ADAMTSL1: variants seen among roughly 807,000 people sequenced by gnomAD.
ADAMTSL1 encodes ADAMTS-like protein 1.
Under a neutral mutation model 201.8 loss-of-function variants are expected in ADAMTSL1, and 126 were observed. The ratio of observed to expected loss-of-function variants is 0.62; its 90% confidence interval spans 0.54 to 0.72. The LOEUF is 0.72. Among genes scored for constraint, ADAMTSL1 ranks in the 30% least tolerant of loss-of-function variants. The pLI, the probability that ADAMTSL1 is intolerant of heterozygous loss-of-function variation, is 0.00. For synonymous variants in ADAMTSL1, 1,121 were observed against 903.4 expected (o/e 1.24, Z -4.32); for missense variants, 2,679 against 2,277.8 (o/e 1.18, Z -3.59).
intron 1 of ADAMTSL1, among the ~76,000 whole-genome samples, chr9:18,011,568 C>G (rs1820052101): frequency 6.6e-6 from 1 of 152,046 alleles, no homozygotes; most frequent in Non-Finnish European, 1.5e-5. Context: ...CCTTCTCACT[C>G]TCTTAACTCT....
At chr9:18,332,660 G>A (rs13291265) in intron 2 of ADAMTSL1, among the ~76,000 whole-genome samples, 29,966 of 152,034 alleles carry the variant, frequency 0.2, 3,078 homozygotes, top group East Asian at 0.23. Context: ...CAATATGGAC[G>A]TACAGCATCA....
intron 4 of ADAMTSL1, among the ~76,000 whole-genome samples, chr9:18,579,644 G>A (rs559529590): frequency 9.9e-5 from 15 of 152,094 alleles, no homozygotes; most frequent in Non-Finnish European, 1.9e-4. Context: ...GTACACATAC[G>A]AAAGGGGCAC....
chr9:18,248,963 C>T (rs138638841), intron 2 of ADAMTSL1, among the ~76,000 whole-genome samples: 7 of 152,288 alleles, frequency 4.6e-5, no homozygotes, highest in Non-Finnish European at 2.9e-5. Flanking sequence ...CCGTTCTGTA[C>T]CCTGTACACA....
At chr9:18,872,064 A>G (rs1355363796) in intron 23 of ADAMTSL1, among the ~76,000 whole-genome samples, 1 of 152,076 alleles carries the variant, frequency 6.6e-6, no homozygotes, top group Non-Finnish European at 1.5e-5. Context: ...AAGTTTTCTC[A>G]TCTTTGCACC....
At chr9:18,814,639 A>G (rs1823718357) in intron 20 of ADAMTSL1, among the ~76,000 whole-genome samples, 1 of 152,218 alleles carries the variant, frequency 6.6e-6, no homozygotes, top group South Asian at 2.1e-4. Flanking sequence ...AAGAACAGAA[A>G]ACCAAATACT....
rs1156409558 is a variant in ADAMTSL1, at chr9:17,968,239, C to T, written c.87+61317C>T. 3.3e-5 allele frequency among the ~76,000 whole-genome samples: 5 copies of T among 152,062 alleles called. 1 individual carries two copies. The highest frequency in any genetic ancestry group is 3.3e-4 in the Admixed American group (5 of 15,236). Reference sequence around the variant, plus strand: ...TGCAATACGTATTTATTCTATACCTCCAGGAAGGCATTGTGCCACTAGCAG... The same window carrying T: ...TGCAATACGTATTTATTCTATACCTTCAGGAAGGCATTGTGCCACTAGCAG... On this transcript the variant is annotated intron_variant, in intron 1 of 29. Transcript: ENST00000680146.
At chr9:18,893,391 G>A (rs78216985) in intron 26 of ADAMTSL1, among the ~76,000 whole-genome samples, 2 of 152,118 alleles carry the variant, frequency 1.3e-5, no homozygotes, top group East Asian at 3.9e-4. Flanking sequence ...TCCTAACAGA[G>A]AGAAAAATAC....
At chr9:18,363,156 C>G (rs1422823022) in intron 2 of ADAMTSL1, among the ~76,000 whole-genome samples, 1 of 152,186 alleles carries the variant, frequency 6.6e-6, no homozygotes, top group Non-Finnish European at 1.5e-5. Flanking sequence ...GGTGGAGTGG[C>G]AGCTCTAGCC....
intron 12 of ADAMTSL1, among the ~76,000 whole-genome samples, chr9:18,683,721 C>A (rs189019216): frequency 5.3e-5 from 8 of 152,218 alleles, no homozygotes; most frequent in Middle Eastern, 3.4e-3. Flanking sequence ...TTAAAATAGT[C>A]AATTGTTTAT....
intron 2 of ADAMTSL1, among the ~76,000 whole-genome samples, chr9:18,257,593 A>G (rs890208777): frequency 3.3e-5 from 5 of 152,224 alleles, no homozygotes; most frequent in African/African-American, 1.2e-4. Flanking sequence ...AGTGTAAAAT[A>G]GTACAGCCCC....
At chr9:18,625,836 G>T (rs1826326368) in intron 5 of ADAMTSL1, among the ~76,000 whole-genome samples, 1 of 152,108 alleles carries the variant, frequency 6.6e-6, no homozygotes, top group Non-Finnish European at 1.5e-5. Context: ...TACCTTTCTT[G>T]CATGGTGAGG....
intron 1 of ADAMTSL1, among the ~76,000 whole-genome samples, chr9:18,017,012 C>T (rs749900491): frequency 1.3e-5 from 2 of 152,076 alleles, no homozygotes; most frequent in Non-Finnish European, 2.9e-5. Context: ...TCCCACATCA[C>T]TGGATACTTT....
intron 2 of ADAMTSL1, among the ~76,000 whole-genome samples, chr9:18,226,596 C>A (rs1421749110): frequency 6.6e-6 from 1 of 152,078 alleles, no homozygotes; most frequent in African/African-American, 2.4e-5. Context: ...TGATTCTGAT[C>A]AGATCACTTG....
chr9:18,575,924 G>A (rs573819884), intron 4 of ADAMTSL1, among the ~76,000 whole-genome samples: 5 of 152,236 alleles, frequency 3.3e-5, no homozygotes, highest in Non-Finnish European at 5.9e-5. Context: ...GGAGTTCAAC[G>A]TGGCATATTT....
intron 1 of ADAMTSL1, among the ~76,000 whole-genome samples, chr9:17,991,026 CT>C (rs1393998447): frequency 6.6e-6 from 1 of 151,990 alleles, no homozygotes; most frequent in East Asian, 1.9e-4. Flanking sequence ...AAACACGTAG[CT>C]TCATGAAACT....
chr9:17,995,346 T>G (rs959486667), intron 1 of ADAMTSL1, among the ~76,000 whole-genome samples: 2 of 152,146 alleles, frequency 1.3e-5, no homozygotes, highest in Admixed American at 1.3e-4. Context: ...AAGGTAGGAC[T>G]GCTTTTACCA....
chr9:18,676,760 G>A (rs1274758257), intron 10 of ADAMTSL1, among the ~76,000 whole-genome samples: 1 of 152,012 alleles, frequency 6.6e-6, no homozygotes, highest in Non-Finnish European at 1.5e-5. Flanking sequence ...GATCATAAAT[G>A]GTTGGAGTAA....
At chr9:18,065,145 TC>T (rs941052237) in intron 1 of ADAMTSL1, among the ~76,000 whole-genome samples, 4 of 152,090 alleles carry the variant, frequency 2.6e-5, no homozygotes, top group Admixed American at 6.5e-5. Flanking sequence ...AAAACTTTTT[TC>T]ATGTTTAACT....
intron 1 of ADAMTSL1, among the ~76,000 whole-genome samples, chr9:18,095,727 C>G (rs1824223530): frequency 6.6e-6 from 1 of 152,120 alleles, no homozygotes; most frequent in Non-Finnish European, 1.5e-5. Flanking sequence ...GTGGCCCTCC[C>G]TGATAAATTT....
Sources: gnomAD v4.1 joint callset for allele counts (sites outside exome capture counted in the v4.1 genomes callset) on GRCh38, gnomAD v4.1.1 for gene constraint, MANE v1.5 for transcripts, NCBI Gene and HGNC (gene_info 2026-07-23, HGNC 2026-07-21) for gene names.